The following LRRC4C variants were observed in gnomAD, a reference collection of about 807,000 sequenced individuals.
The protein encoded by LRRC4C is leucine rich repeat containing 4C, also known as leucine-rich repeat-containing protein 4C.
In LRRC4C, 5 loss-of-function variants were observed where a neutral mutation model predicts 33.6. That is an observed-to-expected ratio of 0.15 (90% CI 0.08 to 0.31). The LOEUF is 0.31. Ranked by LOEUF, LRRC4C falls within the 10% of genes least tolerant of loss-of-function variation. The pLI is 1.00. For synonymous variants in LRRC4C, 329 were observed against 302.0 expected, an observed-to-expected ratio of 1.09 and a Z score of -0.93; for missense variants, 560 against 796.7, an observed-to-expected ratio of 0.70 and a Z score of 3.58.
chr11:40,733,137 G>A (rs1591578951), intron 2 of LRRC4C, among the ~76,000 whole-genome samples: 1 of 131,454 alleles, frequency 7.6e-6, no homozygotes, highest in Non-Finnish European at 1.5e-5. Context: ...GTAGCGTGGC[G>A]AGATCTCGGC....
chr11:41,023,479 C>A lies in LRRC4C; in HGVS notation c.-495-89756G>T, dbSNP rs77297623. 7.5e-3 allele frequency among the ~76,000 whole-genome samples: 1,135 copies of A among 151,760 alleles called. 14 individuals are homozygous for A. The highest frequency in any genetic ancestry group is 0.026 in the African/African-American group (1,091 of 41,436). ...ATAAAAGTTGAAAAATGAAATAAAG[C>A]TCTAACAATTAAATGACATATGCTG... On this transcript the variant is annotated intron_variant, in intron 1 of 6. Coordinates refer to ENST00000528697, the MANE Select transcript of LRRC4C (RefSeq NM_001258419.2).
chr11:40,286,483 T>C (rs1338798731), intron 4 of LRRC4C, among the ~76,000 whole-genome samples: 5 of 152,208 alleles, frequency 3.3e-5, no homozygotes, highest in African/African-American at 1.2e-4. Context: ...ATTATGAATT[T>C]GATTGACATT....
At chr11:40,169,035 A>G (rs1859832141) in intron 5 of LRRC4C, among the ~76,000 whole-genome samples, 1 of 152,126 alleles carries the variant, frequency 6.6e-6, no homozygotes, top group South Asian at 2.1e-4. Flanking sequence ...TGAGTTTTAT[A>G]AAATAACTTT....
At chr11:40,559,343 C>G (rs1025430927) in intron 3 of LRRC4C, among the ~76,000 whole-genome samples, 1 of 152,034 alleles carries the variant, frequency 6.6e-6, no homozygotes, top group African/African-American at 2.4e-5. Context: ...ACCACCTCAC[C>G]TGGCTAATTT....
intron 3 of LRRC4C, among the ~76,000 whole-genome samples, chr11:40,609,551 G>T (rs1327570393): frequency 2.0e-5 from 3 of 151,792 alleles, no homozygotes; most frequent in East Asian, 1.9e-4. Context: ...CAAAATAAAG[G>T]TTAGAGCAGA....
chr11:40,729,152 TAATA>T (rs1344066191), intron 2 of LRRC4C, among the ~76,000 whole-genome samples: 7 of 152,278 alleles, frequency 4.6e-5, no homozygotes, highest in East Asian at 1.9e-4. Context: ...AATAAAAATA[TAATA>T]AATAAATTAT....
chr11:40,916,698 A>T (rs895052108), intron 2 of LRRC4C, among the ~76,000 whole-genome samples: 3 of 151,136 alleles, frequency 2.0e-5, no homozygotes, highest in African/African-American at 2.4e-5. Context: ...AAAGTATAAT[A>T]AAAATAAATA....
intron 4 of LRRC4C, among the ~76,000 whole-genome samples, chr11:40,275,200 T>G (rs1201104484): frequency 6.6e-6 from 1 of 151,440 alleles, no homozygotes; most frequent in African/African-American, 2.4e-5. Context: ...TGCATTCTAC[T>G]TTTTTTTGCC....
chr11:41,165,948 T>C (rs1259544642), intron 1 of LRRC4C, among the ~76,000 whole-genome samples: 3 of 151,808 alleles, frequency 2.0e-5, no homozygotes, highest in African/African-American at 4.8e-5. Context: ...GGAGAATCAA[T>C]TGAACCCAGG....
intron 2 of LRRC4C, among the ~76,000 whole-genome samples, chr11:40,875,911 T>C (rs1405549111): frequency 6.6e-6 from 1 of 152,142 alleles, no homozygotes; most frequent in Non-Finnish European, 1.5e-5. Flanking sequence ...TTCCTGCAAC[T>C]AGACGGTCCC....
rs143114287 is a variant in LRRC4C, at chr11:41,340,259, T to C, written c.-496+119172A>G. Among the ~76,000 whole-genome samples, 646 of 152,280 alleles carry C rather than the reference T, an allele frequency of 4.2e-3. 3 individuals are homozygous for C. The highest frequency in any genetic ancestry group is 0.014 in the African/African-American group (569 of 41,570). ...TTTGTGTGGTTTTTCTTTTAAAAAA[T>C]TCTACATAAAGAAATAGGATTGCTC... On this transcript the variant is annotated intron_variant, in intron 1 of 6. Coordinates refer to ENST00000528697, the MANE Select transcript of LRRC4C (RefSeq NM_001258419.2).
At chr11:41,343,653 C>G (rs1010852102) in intron 1 of LRRC4C, among the ~76,000 whole-genome samples, 1 of 152,150 alleles carries the variant, frequency 6.6e-6, no homozygotes, top group African/African-American at 2.4e-5. Flanking sequence ...ATGAAACCTT[C>G]CAAGGAGAAT....
intron 1 of LRRC4C, among the ~76,000 whole-genome samples, chr11:40,997,864 C>T (rs746987108): frequency 1.3e-5 from 2 of 152,044 alleles, no homozygotes; most frequent in African/African-American, 2.4e-5. Flanking sequence ...CTTCAAGGAG[C>T]CTTTTTAAGG....
At chr11:41,176,283 G>A (rs1239637698) in intron 1 of LRRC4C, among the ~76,000 whole-genome samples, 1 of 152,048 alleles carries the variant, frequency 6.6e-6, no homozygotes, top group African/African-American at 2.4e-5. Context: ...GGGAATACCC[G>A]AACCCAAAAA....
intron 1 of LRRC4C, among the ~76,000 whole-genome samples, chr11:41,154,014 G>GTAAGGAATA (rs1454761103): frequency 6.6e-6 from 1 of 152,154 alleles, no homozygotes; most frequent in Non-Finnish European, 1.5e-5. Flanking sequence ...GATGCACGCT[G>GTAAGGAATA]TAAGGAATAT....
chr11:40,464,022 C>A (rs1276940832), intron 3 of LRRC4C, among the ~76,000 whole-genome samples: 2 of 151,912 alleles, frequency 1.3e-5, no homozygotes, highest in East Asian at 3.9e-4. Context: ...CAAGCAAGCA[C>A]ACAACAACAA....
At chr11:41,018,901 T>G (rs760745880) in intron 1 of LRRC4C, among the ~76,000 whole-genome samples, 3 of 152,090 alleles carry the variant, frequency 2.0e-5, no homozygotes, top group Non-Finnish European at 4.4e-5. Flanking sequence ...GAGGTGCAAT[T>G]TATATGCTGT....
intron 1 of LRRC4C, among the ~76,000 whole-genome samples, chr11:41,273,353 C>T (rs1396221523): frequency 6.6e-6 from 1 of 152,080 alleles, no homozygotes; most frequent in African/African-American, 2.4e-5. Context: ...CTAAATGACT[C>T]TTGATGGATG....
intron 1 of LRRC4C, among the ~76,000 whole-genome samples, chr11:41,385,673 T>TA (rs1407374354): frequency 6.6e-6 from 1 of 151,238 alleles, no homozygotes; most frequent in African/African-American, 2.4e-5. Context: ...TTAAAAACAC[T>TA]AAAAATCTAA....
Sources: gnomAD v4.1 joint callset for allele counts (sites outside exome capture counted in the v4.1 genomes callset) on GRCh38, gnomAD v4.1.1 for gene constraint, MANE v1.5 for transcripts, NCBI Gene and HGNC (gene_info 2026-07-23, HGNC 2026-07-21) for gene names.